CELF4: variants seen among roughly 807,000 people sequenced by gnomAD.
CELF4 encodes CUGBP Elav-like family member 4.
In CELF4, 18 loss-of-function variants were observed where a neutral mutation model predicts 59.9. That is an observed-to-expected ratio of 0.30 (90% CI 0.21 to 0.45). CELF4 has a LOEUF of 0.45. CELF4 is among the 20% of genes least tolerant of loss of function. CELF4 has a pLI of 1.00. For synonymous variants in CELF4, 261 were observed against 267.1 expected (o/e 0.98, Z 0.22); for missense variants, 456 against 689.0 (o/e 0.66, Z 3.79).
intron 2 of CELF4, among the ~76,000 whole-genome samples, chr18:37,397,501 A>T (rs2099259736): frequency 6.6e-6 from 1 of 152,118 alleles, no homozygotes; most frequent in African/African-American, 2.4e-5. Flanking sequence ...TGCAGATTGA[A>T]GGGATTGGTT....
At chr18:37,280,523 A>G (rs2093998724) in intron 3 of CELF4, among the ~76,000 whole-genome samples, 1 of 152,194 alleles carries the variant, frequency 6.6e-6, no homozygotes, top group African/African-American at 2.4e-5. Context: ...CCTGATAGAT[A>G]CATTCAGTAA....
intron 2 of CELF4, among the ~76,000 whole-genome samples, chr18:37,343,305 T>C (rs1045152805): frequency 1.2e-4 from 18 of 148,662 alleles, no homozygotes; most frequent in African/African-American, 4.0e-4. Flanking sequence ...GTGTGGGCCA[T>C]TGTGTTGAGA....
At chr18:37,493,518 G>A (rs564715501) in intron 1 of CELF4, among the ~76,000 whole-genome samples, 35 of 152,312 alleles carry the variant, frequency 2.3e-4, no homozygotes, top group South Asian at 4.1e-4. Flanking sequence ...GAGAGTGAGC[G>A]GAGTGGCAGC....
intron 2 of CELF4, among the ~76,000 whole-genome samples, chr18:37,360,441 TG>T (rs1034552228): frequency 2.0e-5 from 3 of 152,110 alleles, no homozygotes; most frequent in Non-Finnish European, 2.9e-5. Context: ...GACCCCTGAG[TG>T]GGGGGATCCC....
chr18:37,399,336 T>C (rs146859428), intron 2 of CELF4, among the ~76,000 whole-genome samples: 1 of 152,236 alleles, frequency 6.6e-6, no homozygotes, highest in Non-Finnish European at 1.5e-5. Flanking sequence ...CCCCCTTTTT[T>C]CTCTCTGCCT....
At chr18:37,280,346 T>C (rs2093973012) in intron 3 of CELF4, among the ~76,000 whole-genome samples, 4 of 152,166 alleles carry the variant, frequency 2.6e-5, no homozygotes, top group Admixed American at 2.6e-4. Context: ...CTGGGAATTG[T>C]TAGAACAGAG....
intron 1 of CELF4, among the ~76,000 whole-genome samples, chr18:37,527,339 C>T (rs917007815): frequency 2.0e-5 from 3 of 151,840 alleles, no homozygotes; most frequent in Non-Finnish European, 4.4e-5. Context: ...GAGAGGAGCT[C>T]GAGCCTCTAA....
At chr18:37,385,380 A>G (rs1275663729) in intron 2 of CELF4, among the ~76,000 whole-genome samples, 1 of 151,696 alleles carries the variant, frequency 6.6e-6, no homozygotes, top group Non-Finnish European at 1.5e-5. Context: ...AAAGAAAGAA[A>G]GAAAAGAAAG....
intron 12 of CELF4, among the ~76,000 whole-genome samples, chr18:37,252,955 G>A (rs750649527): frequency 3.9e-4 from 60 of 152,046 alleles, no homozygotes; most frequent in Non-Finnish European, 2.9e-4. Flanking sequence ...GGCTGCAAGA[G>A]CCACAGCACT....
intron 2 of CELF4, among the ~76,000 whole-genome samples, chr18:37,331,963 G>A (rs2097559466): frequency 6.6e-6 from 1 of 152,192 alleles, no homozygotes; most frequent in Admixed American, 6.5e-5. Flanking sequence ...TTAGTTTGCA[G>A]ACAGCATTGC....
chr18:37,367,036 C>A (rs1325174877), intron 2 of CELF4, among the ~76,000 whole-genome samples: 1 of 152,142 alleles, frequency 6.6e-6, no homozygotes, highest in Non-Finnish European at 1.5e-5. Context: ...GGCTGGCATC[C>A]CAGAAGCCTT....
intron 2 of CELF4, among the ~76,000 whole-genome samples, chr18:37,450,056 A>G (rs544198119): frequency 3.7e-4 from 57 of 152,208 alleles, no homozygotes; most frequent in African/African-American, 1.2e-3. Context: ...AGCCTATGCT[A>G]TGGAGGGGCC....
At position 37,254,748 on chromosome 18, in the gene CELF4, G is replaced by A. The variant is rs2068093933; in HGVS notation, c.1334-810C>T. Among the ~76,000 whole-genome samples, 1 of 152,252 alleles carries A rather than the reference G, an allele frequency of 6.6e-6. No individual in the cohort carries two copies. The highest frequency in any genetic ancestry group is 2.4e-5 in the African/African-American group (1 of 41,478). ...CACGCGTTCACTCCTGTGCCCAGAT[G>A]GCATGCAGAACCTTGCGGCTCCCAG... On this transcript the variant is annotated intron_variant, in intron 11 of 12. Transcript: ENST00000420428. This position sits in a 1 kb window ranked among gnomAD's most constrained non-coding sequence, Gnocchi z 5.1.
At chr18:37,294,551 T>A (rs1476920618) in intron 3 of CELF4, among the ~76,000 whole-genome samples, 1 of 152,232 alleles carries the variant, frequency 6.6e-6, no homozygotes, top group Non-Finnish European at 1.5e-5. Flanking sequence ...GTCACCATCA[T>A]TTTCCCCCAA....
chr18:37,487,201 C>T (rs1379152473), intron 1 of CELF4, among the ~76,000 whole-genome samples: 1 of 152,208 alleles, frequency 6.6e-6, no homozygotes, highest in Non-Finnish European at 1.5e-5. Flanking sequence ...CACCAACCAG[C>T]CTGTACCCAG....
intron 11 of CELF4, among the ~76,000 whole-genome samples, chr18:37,256,191 C>T (rs548034919): frequency 6.6e-6 from 1 of 152,318 alleles, no homozygotes; most frequent in African/African-American, 2.4e-5. Context: ...TTTCTGCTCC[C>T]AGGCCCTGTG....
At chr18:37,300,569 G>T (rs565599758) in intron 3 of CELF4, among the ~76,000 whole-genome samples, 6 of 152,138 alleles carry the variant, frequency 3.9e-5, no homozygotes, top group African/African-American at 1.4e-4. Flanking sequence ...CCTGTCCTGC[G>T]CATTCAGCCA....
At chr18:37,468,869 C>A (rs146014383) in intron 2 of CELF4, among the ~76,000 whole-genome samples, 163 of 152,276 alleles carry the variant, frequency 1.1e-3, no homozygotes, top group African/African-American at 3.7e-3. Context: ...GGGGAAACCA[C>A]ATCCATGATC....
At chr18:37,485,461 C>A in intron 2 of CELF4, 64 bp downstream of exon 2, 1 of 1,072,406 alleles carries the variant, frequency 9.3e-7, no homozygotes, top group African/African-American at 1.7e-5. Context: ...CGCCGCCGCC[C>A]GGCCTCCCGA....
Sources: allele counts gnomAD v4.1 joint callset (sites outside exome capture counted in the v4.1 genomes callset), GRCh38; gene constraint gnomAD v4.1.1; non-coding constraint Gnocchi (gnomAD v3.1); transcripts MANE v1.5; gene names NCBI Gene and HGNC (gene_info 2026-07-23, HGNC 2026-07-21).